RGL4: variants seen among roughly 807,000 people sequenced by gnomAD.
The protein encoded by RGL4 is ral-GDS-related protein.
A neutral mutation model predicts 49.6 loss-of-function variants in RGL4; 41 were observed. The observed-to-expected ratio is 0.83, with a 90% CI of 0.64 to 1.07. The LOEUF (loss-of-function observed/expected upper bound fraction) is 1.07, where lower values mean the gene tolerates loss of function less well. RGL4 is among the 50% of genes least tolerant of loss of function. The pLI, the probability that RGL4 is intolerant of heterozygous loss-of-function variation, is 0.00. For missense variants in RGL4, 610 were observed against 591.9 expected (o/e 1.03, Z -0.32); for synonymous variants, 255 against 238.0 (o/e 1.07, Z -0.66).
At chr22:23,695,548 A>C in intron 6 of RGL4, 1 of 441,542 alleles carries the variant, frequency 2.3e-6, no homozygotes, top group Non-Finnish European at 4.4e-6. Context: ...CAACAGAGGA[A>C]GCTCATGTGG....
At chr22:23,695,849 G>GC (rs1855655152) in intron 6 of RGL4, among the ~76,000 whole-genome samples, 1 of 152,198 alleles carries the variant, frequency 6.6e-6, no homozygotes, top group South Asian at 2.1e-4. Context: ...CAGAGATGGC[G>GC]CATCAGGAGG....
At chr22:23,698,674 A>G (rs1185832536) in intron 10 of RGL4, 170 bp from the exon 11 acceptor site, 3 of 869,596 alleles carry the variant, frequency 3.4e-6, no homozygotes, top group Non-Finnish European at 5.4e-6. Flanking sequence ...GGCCTAGAGG[A>G]GGCTCTCCCG....
chr22:23,697,218 G>A lies in RGL4; in HGVS notation c.1209G>A (p.Leu403=), dbSNP rs762360120. 2.5e-6 allele frequency: 4 copies of A among 1,613,560 alleles called. No homozygotes were observed. In the African/African-American group the frequency reaches 4.0e-5, roughly 16 times the overall value. The part of the protein sequence containing the change: ...LGDFLTELQR[L]DSAIPDDLDG... Reference sequence around the variant, plus strand: ...ATTTTCTGACTGAGTTACAGAGGCTGGATTCGGCCATCCCGGACGACCTGG... The same window carrying A: ...ATTTTCTGACTGAGTTACAGAGGCTAGATTCGGCCATCCCGGACGACCTGG... The change falls in exon 8 of 11, where the codon CTG becomes CTA. Residue 403 remains leucine (L), a synonymous_variant. Transcript: ENST00000290691.
chr22:23,697,308 C>A, intron 8 of RGL4, 63 bp downstream of exon 8: 1 of 1,340,622 alleles, frequency 7.5e-7, no homozygotes. Flanking sequence ...GGAGAGGGTC[C>A]TGGACCGAGC....
In RGL4 at chr22:23,692,803, T is replaced by TCAGCACCAGGGC; in HGVS notation, c.518_529dup (p.Gly173_Pro176dup). On this transcript the variant is annotated inframe_insertion, in exon 3 of 11. Coordinates refer to ENST00000290691, the MANE Select transcript of RGL4 (RefSeq NM_153615.2). ...CCTGGGTCCACCAGGATATCTACATTCAGCACCAGGGCCAGCACCAGCACC... is the reference window on the plus strand; with the variant it reads ...CCTGGGTCCACCAGGATATCTACATTCAGCACCAGGGCCAGCACCAGGGCCAGCACCAGCACC... The TCAGCACCAGGGC allele has an allele frequency of 2.5e-6, 4 of 1,613,418 alleles. No individual in the cohort carries two copies. The highest frequency in any genetic ancestry group is 2.2e-5 in the East Asian group (1 of 44,864).
rs370296019 is a variant in RGL4, at chr22:23,693,864, G to A, written c.802G>A (p.Ala268Thr). The A allele has an allele frequency of 5.0e-6, 8 of 1,613,976 alleles. No homozygotes were observed. Among genetic ancestry groups the A allele is most frequent in the East Asian group, 4.5e-5 (2 of 44,870 alleles). Residue 268 changes from alanine (A) to threonine (T), a missense_variant, in exon 4 of 11, where the codon GCA (alanine) becomes ACA (threonine). By Grantham distance (58) the Ala-to-Thr change is moderately conservative. Coordinates refer to ENST00000290691, the MANE Select transcript of RGL4 (RefSeq NM_153615.2). ...GGCACCCACAGTTCGTGCCACCATCGCACACTTCAACAGGCTCACCAACTG... is the reference window on the plus strand; with the variant it reads ...GGCACCCACAGTTCGTGCCACCATCACACACTTCAACAGGCTCACCAACTG... ...HMAPTVRATI[A>T]HFNRLTNCIT... is the part of the protein sequence containing the mutation.
In RGL4 at chr22:23,692,865, A is replaced by G. The variant is rs1923230019; in HGVS notation, c.570A>G (p.Pro190=). Residue 190 remains proline (P), a synonymous_variant, in exon 3 of 11, where the codon CCA becomes CCG. Transcript: ENST00000290691. ...EGPPPGTVLE[P]QSAPESSCPC... ...CCCCTCCAGGGACAGTGCTGGAGCC[A>G]CAGTCAGCCCCAGAGTCCTCCTGTC... 1 of 1,613,650 alleles carries G rather than the reference A, an allele frequency of 6.2e-7. No homozygotes were observed. The highest frequency in any genetic ancestry group is 1.1e-5 in the South Asian group (1 of 91,082).
rs1233064770 is a variant in RGL4, at chr22:23,691,432, C to T, written c.-599C>T. The T allele has an allele frequency of 6.6e-6, 1 of 152,380 alleles. No homozygotes were observed. The highest frequency in any genetic ancestry group is 1.5e-5 in the Non-Finnish European group (1 of 68,182). 9.4% of individuals were successfully genotyped at this position (152,380 alleles called of 1,614,324 possible). On this transcript the variant is annotated 5_prime_UTR_variant, in exon 1 of 11. Coordinates refer to ENST00000290691, the MANE Select transcript of RGL4 (RefSeq NM_153615.2). ...GGGGTTCTCCAAAGGTTGGGGTTCA[C>T]TCATTCAACACATACATTCAAAACA...
intron 10 of RGL4, 93 bp downstream of exon 10, chr22:23,698,426 G>A: frequency 7.0e-7 from 1 of 1,431,812 alleles, no homozygotes. Flanking sequence ...CTGCACTGCA[G>A]TGTCACCATC....
At chr22:23,696,714 G>A (rs1273687057) in intron 7 of RGL4, 26 bp downstream of exon 7, 2 of 1,600,268 alleles carry the variant, frequency 1.2e-6, no homozygotes, top group Non-Finnish European at 1.7e-6. Context: ...GCATGGACGG[G>A]CCGCAGGGGA....
chr22:23,692,052 C>T lies in RGL4; in HGVS notation c.22C>T (p.Leu8=), dbSNP rs1923164783. 1 of 1,613,812 alleles carries T rather than the reference C, an allele frequency of 6.2e-7. No individual in the cohort carries two copies. Among genetic ancestry groups the T allele is most frequent in the Non-Finnish European group, 8.5e-7 (1 of 1,179,896 alleles). ...TTTGATGAGGAAGCTGCTCACAAAT[C>T]TGCCTGCAGCTGCAGTCTTGAGTGC... MRKLLTN[L]PAAAVLSAQV... The change falls in exon 1 of 11, where the codon CTG becomes TTG. Residue 8 remains leucine (L), a synonymous_variant. Coordinates refer to ENST00000290691, the MANE Select transcript of RGL4 (RefSeq NM_153615.2).
chr22:23,694,283 G>C, intron 4 of RGL4, 64 bp from the exon 5 acceptor site: 1 of 1,243,710 alleles, frequency 8.0e-7, no homozygotes, highest in Non-Finnish European at 1.2e-6. Context: ...TCAGCAGAGG[G>C]GGCTGAGGCT....
chr22:23,694,383 GTCA>G lies in RGL4; in HGVS notation c.952_954del (p.Ile318del). Reference sequence around the variant, plus strand: ...CCTCAACAACTTCTCCTCGGTGCACGTCATCGTCTCTGCTCTGTGCAGCAACCC... The same window carrying G: ...CCTCAACAACTTCTCCTCGGTGCACGTCGTCTCTGCTCTGTGCAGCAACCC... On this transcript the variant is annotated inframe_deletion, in exon 5 of 11. Coordinates refer to ENST00000290691, the MANE Select transcript of RGL4 (RefSeq NM_153615.2). The G allele has an allele frequency of 1.2e-6, 2 of 1,613,994 alleles. No individual in the cohort carries two copies. Among genetic ancestry groups the G allele is most frequent in the South Asian group, 2.2e-5 (2 of 91,082 alleles).
rs757433472 is a variant in RGL4 at position 23,692,842 on chromosome 22, C to T, written c.547C>T (p.Pro183Ser). The change falls in exon 3 of 11, where the codon CCT (proline) becomes TCT (serine). Residue 183 changes from proline (P) to serine (S), a missense_variant. Transcript: ENST00000290691. ...AGCACCAGCACCAGGGGAAGGGCCC[C>T]CTCCAGGGACAGTGCTGGAGCCACA... Reference protein sequence around the residue: ...GPAPAPGEGPPPGTVLEPQSA... With the variant: ...GPAPAPGEGPSPGTVLEPQSA... 4 of 1,613,586 alleles carry T rather than the reference C, an allele frequency of 2.5e-6. No homozygotes were observed. The Admixed American group carries it at 5.0e-5, about 20-fold the overall frequency.
At position 23,692,362 on chromosome 22, in the gene RGL4, G is replaced by GC; in HGVS notation, c.213dup (p.Glu72ArgfsTer54). ...CCATCACCTCCATTTTGTTCAACTG[G>GC]CCCCCCGAAAACACTTCAGTTTACT... On this transcript the variant is annotated frameshift_variant, in exon 2 of 11. Transcript: ENST00000290691. LOFTEE classifies it high-confidence loss of function. 4 of 1,614,092 alleles carry GC rather than the reference G, an allele frequency of 2.5e-6. No homozygotes were observed. Among genetic ancestry groups the GC allele is most frequent in the Non-Finnish European group, 3.4e-6 (4 of 1,179,998 alleles).
chr22:23,697,784 G>T, intron 8 of RGL4, 54 bp from the exon 9 acceptor site: 2 of 1,574,042 alleles, frequency 1.3e-6, no homozygotes, highest in Non-Finnish European at 1.7e-6. Context: ...AAGGGGTGGG[G>T]TGGGGCTGGT....
intron 7 of RGL4, among the ~76,000 whole-genome samples, 173 bp from the exon 8 acceptor site, chr22:23,696,998 G>A (rs1923549454): frequency 6.6e-6 from 1 of 152,222 alleles, no homozygotes. Flanking sequence ...AGGAGGCAGA[G>A]AATTGGGAAA....
chr22:23,692,059 C>T lies in RGL4; in HGVS notation c.29C>T (p.Ala10Val). The T allele has an allele frequency of 6.2e-7, 1 of 1,614,084 alleles. No individual in the cohort carries two copies. The highest frequency in any genetic ancestry group is 8.5e-7 in the Non-Finnish European group (1 of 1,179,994). Reference protein sequence around the residue: MRKLLTNLPAAAVLSAQVYS... With the variant: MRKLLTNLPVAAVLSAQVYS... ...AGGAAGCTGCTCACAAATCTGCCTG[C>T]AGCTGCAGTCTTGAGTGCCCAGGTG... is the stretch of plus-strand genomic sequence containing the variant. The change falls in exon 1 of 11, where the codon GCA (alanine) becomes GTA (valine). Residue 10 changes from alanine to valine, a missense_variant. Physicochemically the swap from Ala to Val is moderately conservative, Grantham distance 64. Coordinates refer to ENST00000290691, the MANE Select transcript of RGL4 (RefSeq NM_153615.2).
intron 6 of RGL4, chr22:23,695,582 C>T (rs1200832864): frequency 2.6e-6 from 1 of 392,142 alleles, no homozygotes. Flanking sequence ...AACTGCCCAG[C>T]TTTGGGTACC....
Sources: gnomAD v4.1 joint callset for allele counts (sites outside exome capture counted in the v4.1 genomes callset) on GRCh38, gnomAD v4.1.1 for gene constraint, MANE v1.5 for transcripts, NCBI Gene and HGNC (gene_info 2026-07-23, HGNC 2026-07-21) for gene names.